Variants in TRPV3 observed in about 807,000 individuals in gnomAD.
TRPV3 encodes VRL-3.
Under a neutral mutation model 87.1 loss-of-function variants are expected in TRPV3, and 88 were observed. That is an observed-to-expected ratio of 1.01 (90% CI 0.85 to 1.21). The LOEUF (loss-of-function observed/expected upper bound fraction) is 1.21. TRPV3 is among the 50% of genes most tolerant of loss of function. The pLI is 0.00. For missense variants in TRPV3, 1,054 were observed against 1,030.1 expected, an observed-to-expected ratio of 1.02 and a Z score of -0.32; for synonymous variants, 438 against 423.3, an observed-to-expected ratio of 1.03 and a Z score of -0.43.
rs2074320692 is a variant in TRPV3 at position 3,528,581 on chromosome 17, G to A, written c.1401+256C>T. ...TTCTATATTTACAGACAGAGACCCT[G>A]TGCAGGGCCTGAGTCTCCGAATTCT... is the stretch of plus-strand genomic sequence containing the variant. On this transcript the variant is annotated intron_variant, in intron 10 of 17. Transcript: ENST00000576742. This position sits in a 1 kb window ranked among gnomAD's most constrained non-coding sequence, Gnocchi z 4.2. Among the ~76,000 whole-genome samples the A allele has an allele frequency of 2.0e-5, 3 of 152,186 alleles. No homozygotes were observed.
At position 3,532,759 on chromosome 17, in the gene TRPV3, G is replaced by A. The variant is rs776750193; in HGVS notation, c.963C>T (p.Tyr321=). Residue 321 remains tyrosine (Y), a synonymous_variant, in exon 8 of 18, where the codon TAC becomes TAT. Transcript: ENST00000576742. ...TGCCACTCCGCAGTAGGATCATGTCGTACATGCGCTTCACAAAGTCATTCT... is the reference window on the plus strand; with the variant it reads ...TGCCACTCCGCAGTAGGATCATGTCATACATGCGCTTCACAAAGTCATTCT... The part of the protein sequence containing the change: ...KTQNDFVKRM[Y]DMILLRSGNW... 2.5e-5 allele frequency: 41 copies of A among 1,614,142 alleles called. No individual in the cohort carries two copies. The African/African-American group carries it at 4.1e-4, about 16-fold the overall frequency.
Position 3,545,362 on chromosome 17 carries a change from T to C in TRPV3, c.120-91A>G. 6 of 951,584 alleles carry C rather than the reference T, an allele frequency of 6.3e-6. No homozygotes were observed. In the South Asian group the frequency reaches 9.4e-5, roughly 15 times the overall value. 58.9% of individuals were successfully genotyped at this position (951,584 alleles called of 1,614,324 possible). Reference sequence around the variant, plus strand: ...CTCCTGGCCCCAGAGGGTGCCCCCATGCTGAGCACACACCCTGGCCAGCTC... The same window carrying C: ...CTCCTGGCCCCAGAGGGTGCCCCCACGCTGAGCACACACCCTGGCCAGCTC... On this transcript the variant is annotated intron_variant, in intron 2 of 17. Coordinates refer to ENST00000576742, the MANE Select transcript of TRPV3 (RefSeq NM_145068.4).
intron 2 of TRPV3, among the ~76,000 whole-genome samples, chr17:3,551,005 G>A (rs114522952): frequency 3.3e-5 from 5 of 152,326 alleles, no homozygotes; most frequent in African/African-American, 4.8e-5. Context: ...GAGGGGCTGC[G>A]CTATGGGAGC....
At chr17:3,554,458 C>G (rs2074607423) in intron 2 of TRPV3, 1 of 346,298 alleles carries the variant, frequency 2.9e-6, no homozygotes, top group Non-Finnish European at 5.2e-6. Context: ...CCCTCAGGAG[C>G]CCTCCTGACT....
rs2074144080 is a variant in TRPV3, at chr17:3,513,777, G to A, written c.*140C>T. 4.5e-6 allele frequency: 3 copies of A among 665,262 alleles called. No individual in the cohort carries two copies. Among genetic ancestry groups the A allele is most frequent in the Non-Finnish European group, 7.9e-6 (3 of 382,118 alleles). The allele number at this position is 665,262 out of a possible 1,614,324, so 41.2% of individuals were successfully genotyped here. A position where few individuals can be genotyped will look rare whatever the true frequency, so the allele number is the denominator to read the frequency against. On this transcript the variant is annotated 3_prime_UTR_variant, in exon 18 of 18. Transcript: ENST00000576742. ...GCCCCTCAGTTCAGACACCCACTGA[G>A]CACTGAGCACGAGGGTGCACTCTGC...
intron 11 of TRPV3, chr17:3,527,775 G>C: frequency 3.8e-6 from 2 of 529,478 alleles, no homozygotes; most frequent in Non-Finnish European, 6.8e-6. Context: ...GAGGACAAGG[G>C]ACACTGAGTG....
At chr17:3,544,713 T>A (rs1264116120) in intron 3 of TRPV3, 48 bp from the exon 4 acceptor site, 2 of 1,403,944 alleles carry the variant, frequency 1.4e-6, no homozygotes, top group Non-Finnish European at 2.0e-6. Context: ...AGTTTTAAAA[T>A]GGGCCGGGTG....
In TRPV3 at chr17:3,556,155, C is replaced by T. The variant is rs551602953; in HGVS notation, c.-2-1303G>A. Among the ~76,000 whole-genome samples the T allele has an allele frequency of 3.0e-4, 43 of 145,744 alleles. No homozygotes were observed. Among genetic ancestry groups the T allele is most frequent in the African/African-American group, 1.1e-3 (43 of 39,642 alleles). ...TTGTGCCACTGCACTCCAGCCTGGG[C>T]GACAGAGCGAGACTCCGTCTCAAAA... On this transcript the variant is annotated intron_variant, in intron 1 of 17. Coordinates refer to ENST00000576742, the MANE Select transcript of TRPV3 (RefSeq NM_145068.4). This position sits in a 1 kb window ranked among gnomAD's most constrained non-coding sequence, Gnocchi z 4.2.
chr17:3,525,036 C>A (rs2074283585), intron 12 of TRPV3, among the ~76,000 whole-genome samples: 1 of 152,086 alleles, frequency 6.6e-6, no homozygotes, highest in South Asian at 2.1e-4. Flanking sequence ...GTCAGGGGGG[C>A]AGAGACAGGG....
rs2074115675 is a variant in TRPV3 at position 3,511,651 on chromosome 17, AC to A, written c.*2265del. The A allele has an allele frequency of 1.3e-5, 2 of 152,264 alleles. No individual in the cohort carries two copies. The highest frequency in any genetic ancestry group is 1.3e-4 in the Admixed American group (2 of 15,292). 9.4% of individuals were successfully genotyped at this position (152,264 alleles called of 1,614,324 possible). On this transcript the variant is annotated 3_prime_UTR_variant, in exon 18 of 18. Transcript: ENST00000576742. The stretch of plus-strand genomic sequence containing the variant: ...GGTCTTGCCAACAAATTCCATCCAG[AC>A]CCACAGACAGCAGATCACCAAAACA...
At chr17:3,516,621 A>G (rs1270695560) in intron 15 of TRPV3, 52 bp from the exon 16 acceptor site, 1 of 1,287,936 alleles carries the variant, frequency 7.8e-7, no homozygotes, top group Admixed American at 1.7e-5. Context: ...ACAAGCACAC[A>G]CAAGGGCACA....
intron 7 of TRPV3, among the ~76,000 whole-genome samples, chr17:3,535,243 C>CT (rs1234429058): frequency 9.1e-6 from 1 of 109,392 alleles, no homozygotes; most frequent in African/African-American, 3.5e-5. Flanking sequence ...TCCCTCCCTC[C>CT]CCCTCCTTAC....
rs143855717 is a variant in TRPV3, at chr17:3,528,077, A to G, written c.1451T>C (p.Leu484Pro). 3 of 1,613,678 alleles carry G rather than the reference A, an allele frequency of 1.9e-6. No homozygotes were observed. Among genetic ancestry groups the G allele is most frequent in the Admixed American group, 1.7e-5 (1 of 59,996 alleles). ...ALTHKMGWLQ[L>P]LGRMFVLIWA... ...GATGAGCACAAACATCCTCCCTAGG[A>G]GCTGCAGCCACCCCATCTTGTGCGT... Residue 484 changes from leucine to proline, a missense_variant, in exon 11 of 18, where the codon CTC becomes CCC. Coordinates refer to ENST00000576742, the MANE Select transcript of TRPV3 (RefSeq NM_145068.4). This position sits in a 1 kb window ranked among gnomAD's most constrained non-coding sequence, Gnocchi z 4.2.
intron 12 of TRPV3, among the ~76,000 whole-genome samples, chr17:3,526,004 C>T (rs1213548618): frequency 1.3e-5 from 2 of 152,082 alleles, no homozygotes; most frequent in Non-Finnish European, 2.9e-5. Context: ...ATCTGCATAA[C>T]ATCCATTATG....
rs2074113998 is a variant in TRPV3 at position 3,511,526 on chromosome 17, G to A, written c.*2391C>T. ...GCTCCTTTTCACTCTGATGCTTCTT[G>A]ACTTATGGCTTCCCTTGGTAAACCT... On this transcript the variant is annotated 3_prime_UTR_variant, in exon 18 of 18. Transcript: ENST00000576742. 6.6e-6 allele frequency: 1 copy of A among 152,188 alleles called. No homozygotes were observed. Among genetic ancestry groups the A allele is most frequent in the Admixed American group, 6.5e-5 (1 of 15,280 alleles). 9.4% of individuals were successfully genotyped at this position (152,188 alleles called of 1,614,324 possible).
At chr17:3,520,538 G>C (rs2074236632) in intron 14 of TRPV3, among the ~76,000 whole-genome samples, 2 of 152,180 alleles carry the variant, frequency 1.3e-5, no homozygotes, top group African/African-American at 4.8e-5. Flanking sequence ...GAAAGCCAGA[G>C]GTATATACCA....
intron 14 of TRPV3, among the ~76,000 whole-genome samples, chr17:3,519,974 TTGGATGGATGGA>T (rs56355146): frequency 1.5e-4 from 17 of 117,072 alleles, no homozygotes; most frequent in South Asian, 2.7e-4. Flanking sequence ...GGATGAATGA[TTGGATGGATGGA>T]TGGATGGATG....
At chr17:3,542,747 T>C (rs1189345132) in intron 5 of TRPV3, 49 bp from the exon 6 acceptor site, 7 of 1,583,868 alleles carry the variant, frequency 4.4e-6, no homozygotes, top group Non-Finnish European at 6.0e-6. Context: ...CGGCTGCCCT[T>C]GGCCCTCCCA....
intron 4 of TRPV3, 118 bp from the exon 5 acceptor site, chr17:3,543,746 G>A: frequency 7.3e-7 from 1 of 1,362,728 alleles, no homozygotes; most frequent in Non-Finnish European, 1.0e-6. Context: ...TCCCATGCCT[G>A]TCACAATGCC....
Sources: allele counts gnomAD v4.1 joint callset (sites outside exome capture counted in the v4.1 genomes callset), GRCh38; gene constraint gnomAD v4.1.1; non-coding constraint Gnocchi (gnomAD v3.1); transcripts MANE v1.5; gene names NCBI Gene and HGNC (gene_info 2026-07-23, HGNC 2026-07-21).